VRK1: variants seen among roughly 807,000 people sequenced by gnomAD.
VRK1 encodes the protein serine/threonine-protein kinase VRK1.
VRK1 carries 33 observed loss-of-function variants against 57.1 expected under a neutral mutation model. The observed-to-expected ratio is 0.58, with a 90% confidence interval of 0.44 to 0.77. The LOEUF (loss-of-function observed/expected upper bound fraction) is 0.77. VRK1 is among the 30% of genes least tolerant of loss of function. The pLI is 0.00. For synonymous variants in VRK1, 137 were observed against 147.8 expected, an observed-to-expected ratio of 0.93 and a Z score of 0.53; for missense variants, 413 against 477.3, an observed-to-expected ratio of 0.87 and a Z score of 1.25.
intron 10 of VRK1, 67 bp downstream of exon 10, chr14:96,856,653 A>G: frequency 1.5e-6 from 2 of 1,339,412 alleles, no homozygotes; most frequent in South Asian, 1.2e-5. Flanking sequence ...CATGATATCC[A>G]TGGAATAGCC....
chr14:96,812,979 T>C (rs1218176029), intron 1 of VRK1, among the ~76,000 whole-genome samples: 1 of 152,240 alleles, frequency 6.6e-6, no homozygotes, highest in Non-Finnish European at 1.5e-5. Context: ...TTGGGTCTTG[T>C]CTTAAGTTCA....
chr14:96,879,392 G>A (rs1889165243), intron 12 of VRK1, among the ~76,000 whole-genome samples: 2 of 152,252 alleles, frequency 1.3e-5, no homozygotes, highest in African/African-American at 2.4e-5. Context: ...TGGATTGAAG[G>A]AGATGAGCAG....
rs761752301 is a variant in VRK1 at position 96,837,718 on chromosome 14, A to G, written c.161-44A>G. On this transcript the variant is annotated intron_variant, in intron 2 of 12. Transcript: ENST00000216639. Reference sequence around the variant, plus strand: ...CAAACCTAAATATTAATATATTTATAATATTACTTGTTCTGATATCAAATA... The same window carrying G: ...CAAACCTAAATATTAATATATTTATGATATTACTTGTTCTGATATCAAATA... 13 of 1,247,338 alleles carry G rather than the reference A, an allele frequency of 1.0e-5. No individual in the cohort carries two copies. In the African/African-American group the frequency reaches 1.2e-4, roughly 12 times the overall value. The allele number at this position is 1,247,338 out of a possible 1,614,324, so 77.3% of individuals were successfully genotyped here.
intron 1 of VRK1, among the ~76,000 whole-genome samples, chr14:96,806,358 G>A (rs770598877): frequency 6.6e-6 from 1 of 152,140 alleles, no homozygotes; most frequent in Non-Finnish European, 1.5e-5. Flanking sequence ...CTTCATCACA[G>A]GACTACTTCA....
chr14:96,809,163 A>G (rs1403454628), intron 1 of VRK1, among the ~76,000 whole-genome samples: 1 of 152,182 alleles, frequency 6.6e-6, no homozygotes, highest in Non-Finnish European at 1.5e-5. Context: ...TTTTCACAGC[A>G]TGTTGGCTGA....
At chr14:96,844,826 C>T (rs111504258) in intron 3 of VRK1, among the ~76,000 whole-genome samples, 6,711 of 152,274 alleles carry the variant, frequency 0.044, 180 homozygotes, top group Non-Finnish European at 0.063. Context: ...ACAGGACAGG[C>T]ATGAGCCACT....
At chr14:96,860,529 T>C (rs772348110) in intron 10 of VRK1, 28 bp from the exon 11 acceptor site, 4 of 1,596,042 alleles carry the variant, frequency 2.5e-6, no homozygotes, top group Admixed American at 3.4e-5. Context: ...ATATTGAAAG[T>C]TATAAAATGA....
intron 2 of VRK1, among the ~76,000 whole-genome samples, chr14:96,834,553 C>G (rs552524796): frequency 5.6e-4 from 85 of 152,276 alleles, no homozygotes; most frequent in African/African-American, 1.8e-3. Context: ...GATCACTGGT[C>G]TTACTCAAGA....
At chr14:96,864,989 A>C (rs1595684000) in intron 11 of VRK1, among the ~76,000 whole-genome samples, 1 of 151,908 alleles carries the variant, frequency 6.6e-6, no homozygotes, top group African/African-American at 2.4e-5. Context: ...GTATGTAAAC[A>C]ATGTATGTGT....
chr14:96,856,041 CTTGTT>C (rs1888139364), intron 8 of VRK1, 84 bp from the exon 9 acceptor site: 11 of 1,464,376 alleles, frequency 7.5e-6, no homozygotes, highest in Non-Finnish European at 1.0e-5. Context: ...GTGGAGTTGA[CTTGTT>C]TTATGTTATT....
chr14:96,797,659 C>T (rs1052206761), intron 1 of VRK1, among the ~76,000 whole-genome samples: 11 of 152,102 alleles, frequency 7.2e-5, no homozygotes, highest in Admixed American at 3.3e-4. Context: ...TTCCTTGTCT[C>T]GTTCAGGCCC....
chr14:96,857,131 A>G (rs930543936), intron 10 of VRK1, among the ~76,000 whole-genome samples: 1 of 152,216 alleles, frequency 6.6e-6, no homozygotes, highest in Non-Finnish European at 1.5e-5. Context: ...AGTGAACAAA[A>G]CAAATATCCC....
chr14:96,865,001 G>A (rs1395111739), intron 11 of VRK1, among the ~76,000 whole-genome samples: 3 of 150,486 alleles, frequency 2.0e-5, no homozygotes, highest in African/African-American at 4.9e-5. Flanking sequence ...TGTATGTGTT[G>A]CACATATCAT....
At position 96,865,003 on chromosome 14, in the gene VRK1, A is replaced by G. The variant is rs748673310; in HGVS notation, c.1068+4268A>G. 4.5e-4 allele frequency among the ~76,000 whole-genome samples: 68 copies of G among 151,916 alleles called. 1 individual carries two copies. The highest frequency in any genetic ancestry group is 5.3e-4 in the Admixed American group (8 of 15,226). On this transcript the variant is annotated intron_variant, in intron 11 of 12. Transcript: ENST00000216639. The stretch of plus-strand genomic sequence containing the variant: ...TGTATGTAAACAATGTATGTGTTGC[A>G]CATATCATCTTCCAGTTGGTGTTTA...
chr14:96,830,583 A>T (rs1886965133), intron 1 of VRK1, among the ~76,000 whole-genome samples: 1 of 152,146 alleles, frequency 6.6e-6, no homozygotes, highest in African/African-American at 2.4e-5. Context: ...GTTTTGAAAT[A>T]CTAATTTATA....
At chr14:96,848,115 A>T (rs1430615916) in intron 5 of VRK1, among the ~76,000 whole-genome samples, 2 of 152,142 alleles carry the variant, frequency 1.3e-5, no homozygotes, top group Admixed American at 6.6e-5. Flanking sequence ...ACTTTGACTC[A>T]GGCAGTCATC....
intron 10 of VRK1, 72 bp from the exon 11 acceptor site, chr14:96,860,485 C>A: frequency 7.0e-7 from 1 of 1,423,572 alleles, no homozygotes; most frequent in Admixed American, 2.0e-5. Flanking sequence ...TTACTATAAC[C>A]ATGAATTATT....
chr14:96,828,224 T>A lies in VRK1; in HGVS notation c.-5-5243T>A, dbSNP rs568236433. Among the ~76,000 whole-genome samples the A allele has an allele frequency of 1.2e-4, 19 of 152,322 alleles. No individual in the cohort carries two copies. The South Asian group carries it at 3.3e-3, about 27-fold the overall frequency. On this transcript the variant is annotated intron_variant, in intron 1 of 12. Coordinates refer to ENST00000216639, the MANE Select transcript of VRK1 (RefSeq NM_003384.3). ...AAAGCTGTTATCATTCTTGTACATG[T>A]CTTTGGGTGGACATGTACATGCATA...
intron 7 of VRK1, 124 bp downstream of exon 7, chr14:96,853,290 C>T: frequency 1.3e-6 from 1 of 786,298 alleles, no homozygotes; most frequent in Admixed American, 2.1e-5. Context: ...AATAATATTT[C>T]TTCTTGACAC....
Sources: gnomAD v4.1 joint callset for allele counts (sites outside exome capture counted in the v4.1 genomes callset) on GRCh38, gnomAD v4.1.1 for gene constraint, MANE v1.5 for transcripts, NCBI Gene and HGNC (gene_info 2026-07-23, HGNC 2026-07-21) for gene names.